Variants in GRID2 observed in about 807,000 individuals in gnomAD.
The protein encoded by GRID2 is glutamate receptor ionotropic, delta-2.
Under a neutral mutation model 114.8 loss-of-function variants are expected in GRID2, and 33 were observed. That is an observed-to-expected ratio of 0.29 (90% CI 0.22 to 0.38). GRID2 has a LOEUF of 0.38. Ranked by LOEUF, GRID2 falls within the 10% of genes least tolerant of loss-of-function variation. GRID2 has a pLI of 1.00. For synonymous variants in GRID2, 505 were observed against 449.9 expected (o/e 1.12, Z -1.55); for missense variants, 1,184 against 1,257.7 (o/e 0.94, Z 0.89).
chr4:92,565,683 G>A (rs1457698910), intron 1 of GRID2, among the ~76,000 whole-genome samples: 2 of 151,892 alleles, frequency 1.3e-5, no homozygotes, highest in African/African-American at 2.4e-5. Context: ...CCTGGCATAT[G>A]TACATACTCC....
chr4:92,833,222 A>T (rs1320336717), intron 2 of GRID2, among the ~76,000 whole-genome samples: 1 of 152,214 alleles, frequency 6.6e-6, no homozygotes. Flanking sequence ...AAGCGGGGGA[A>T]GTCTGTAATA....
chr4:93,480,181 G>A (rs1481829992), intron 11 of GRID2, among the ~76,000 whole-genome samples: 1 of 152,008 alleles, frequency 6.6e-6, no homozygotes, highest in African/African-American at 2.4e-5. Context: ...AACTGACTGA[G>A]CAATATCATT....
At chr4:92,724,320 C>A (rs1410954850) in intron 2 of GRID2, among the ~76,000 whole-genome samples, 2 of 152,116 alleles carry the variant, frequency 1.3e-5, no homozygotes, top group African/African-American at 4.8e-5. Context: ...CGTCCACTCC[C>A]CACTCACCAC....
intron 3 of GRID2, among the ~76,000 whole-genome samples, chr4:93,107,754 A>T (rs762112563): frequency 1.3e-5 from 2 of 152,008 alleles, no homozygotes; most frequent in Non-Finnish European, 2.9e-5. Flanking sequence ...TCAGCCTCCC[A>T]AAGTGCTGGG....
rs1157264179 is a variant in GRID2 at position 92,940,734 on chromosome 4, T to A, written c.245-144261T>A. On this transcript the variant is annotated intron_variant, in intron 2 of 15. Transcript: ENST00000282020. ...ATAGATAGCTCTTATTATTTTGAGA[T>A]ACATCCCATCAATACCTAATTTATT... Among the ~76,000 whole-genome samples, 3 of 152,150 alleles carry A rather than the reference T, an allele frequency of 2.0e-5. No individual in the cohort carries two copies. In the East Asian group the frequency reaches 5.8e-4, roughly 30 times the overall value.
At chr4:92,665,383 T>A (rs1216102157) in intron 2 of GRID2, among the ~76,000 whole-genome samples, 1 of 151,254 alleles carries the variant, frequency 6.6e-6, no homozygotes, top group South Asian at 2.1e-4. Flanking sequence ...TTATGTATTA[T>A]GTGTCCAAAA....
intron 8 of GRID2, among the ~76,000 whole-genome samples, chr4:93,366,570 G>T (rs950590206): frequency 2.6e-5 from 4 of 152,004 alleles, no homozygotes; most frequent in Admixed American, 6.6e-5. Context: ...CCCTGCCTCC[G>T]CTTGCCTTGT....
chr4:93,077,178 G>A (rs750605468), intron 2 of GRID2, among the ~76,000 whole-genome samples: 48 of 152,240 alleles, frequency 3.2e-4, no homozygotes, highest in Middle Eastern at 6.8e-3. Context: ...AAAAAGAATA[G>A]TTTTGAGAAA....
intron 1 of GRID2, among the ~76,000 whole-genome samples, chr4:92,416,219 G>C: frequency 6.6e-6 from 1 of 151,928 alleles, no homozygotes; most frequent in East Asian, 1.9e-4. Flanking sequence ...AGAATCATCT[G>C]CTCATGTCAT....
Position 93,788,844 on chromosome 4 carries a change from T to A in GRID2, c.222-17871T>A, listed in dbSNP as rs576762620. On this transcript the variant is annotated intron_variant, in intron 1 of 1. Coordinates refer to the GRID2 transcript ENST00000637838. ...ACCACATACACAGCAGAAAACCAAC[T>A]TTTGTTTTCTGTTGGTTCTTCTGTT... 2.0e-5 allele frequency among the ~76,000 whole-genome samples: 3 copies of A among 152,294 alleles called. No individual in the cohort carries two copies. In the South Asian group the frequency reaches 6.2e-4, roughly 32 times the overall value.
At chr4:93,321,791 A>T (rs1229200500) in intron 8 of GRID2, among the ~76,000 whole-genome samples, 9 of 151,960 alleles carry the variant, frequency 5.9e-5, no homozygotes, top group Non-Finnish European at 1.5e-5. Context: ...CAGAAATTTC[A>T]CATTTGTGAT....
At chr4:92,593,486 T>C (rs993683661) in intron 2 of GRID2, among the ~76,000 whole-genome samples, 4 of 152,000 alleles carry the variant, frequency 2.6e-5, no homozygotes, top group Non-Finnish European at 2.9e-5. Context: ...TCTTCCTTTG[T>C]AGCTTTGGCT....
At chr4:93,483,824 G>C (rs1726105813) in intron 11 of GRID2, among the ~76,000 whole-genome samples, 1 of 151,738 alleles carries the variant, frequency 6.6e-6, no homozygotes, top group Admixed American at 6.6e-5. Flanking sequence ...ACTTATCAAG[G>C]GCTATAGGAA....
chr4:92,676,770 G>A (rs532071410), intron 2 of GRID2, among the ~76,000 whole-genome samples: 1 of 152,040 alleles, frequency 6.6e-6, no homozygotes, highest in South Asian at 2.1e-4. Context: ...TTCACTTCTG[G>A]CTATACAGCC....
At chr4:92,947,816 A>G (rs1309647161) in intron 2 of GRID2, among the ~76,000 whole-genome samples, 3 of 151,912 alleles carry the variant, frequency 2.0e-5, no homozygotes, top group Non-Finnish European at 4.4e-5. Context: ...CATCATATAT[A>G]TCACAAGCTT....
intron 4 of GRID2, among the ~76,000 whole-genome samples, chr4:93,159,550 TAAG>T (rs1737486731): frequency 6.6e-6 from 1 of 151,788 alleles, no homozygotes; most frequent in Non-Finnish European, 1.5e-5. Context: ...TTTTTTATAA[TAAG>T]CTGATATAGT....
chr4:93,307,050 G>C (rs79686952), intron 8 of GRID2, among the ~76,000 whole-genome samples: 11 of 151,868 alleles, frequency 7.2e-5, no homozygotes, highest in Non-Finnish European at 1.2e-4. Flanking sequence ...ACAAAAATTA[G>C]CTGGGCATGG....
At chr4:92,575,984 C>A (rs1272361466) in intron 1 of GRID2, among the ~76,000 whole-genome samples, 1 of 152,204 alleles carries the variant, frequency 6.6e-6, no homozygotes, top group African/African-American at 2.4e-5. Context: ...TCTTGACAAA[C>A]AGCTCTGCCA....
In GRID2 at chr4:93,395,860, C is replaced by T. The variant is rs527595825; in HGVS notation, c.1347+152C>T. 1.6e-5 allele frequency: 8 copies of T among 494,066 alleles called. No homozygotes were observed. The East Asian group carries it at 2.4e-4, about 15-fold the overall frequency. 30.6% of individuals were successfully genotyped at this position (494,066 alleles called of 1,614,324 possible). ...TTTTTTAATGGTCATATTTCACAGC[C>T]TTCAATTTACGTGGATCAGGATCAC... On this transcript the variant is annotated intron_variant, in intron 9 of 15. Coordinates refer to ENST00000282020, the MANE Select transcript of GRID2 (RefSeq NM_001510.4).
Sources: allele counts gnomAD v4.1 joint callset (sites outside exome capture counted in the v4.1 genomes callset), GRCh38; gene constraint gnomAD v4.1.1; transcripts MANE v1.5; gene names NCBI Gene and HGNC (gene_info 2026-07-23, HGNC 2026-07-21).